The following USP2 variants were observed in gnomAD, a reference collection of about 807,000 sequenced individuals.
USP2 encodes the protein ubiquitin carboxyl-terminal hydrolase 2.
USP2 carries 33 observed loss-of-function variants against 72.0 expected under a neutral mutation model. The observed-to-expected ratio is 0.46, with a 90% CI of 0.35 to 0.61. The LOEUF is 0.61. Ranked by LOEUF, USP2 falls within the 20% of genes least tolerant of loss-of-function variation. The pLI is 0.01. For missense variants in USP2, 691 were observed against 797.8 expected (o/e 0.87, Z 1.61); for synonymous variants, 296 against 312.5 (o/e 0.95, Z 0.56).
Position 119,357,467 on chromosome 11 carries a change from A to C in USP2, c.1609+16T>G. On this transcript the variant is annotated intron_variant, in intron 11 of 12. Transcript: ENST00000260187. ...CCTGCGTCTTCATTCTGCCCTGCCT[A>C]CTCAAAGATACTCACTGGTGTTTTC... 6.2e-7 allele frequency: 1 copy of C among 1,613,274 alleles called. No individual in the cohort carries two copies. The highest frequency in any genetic ancestry group is 8.5e-7 in the Non-Finnish European group (1 of 1,179,912).
chr11:119,370,033 G>A (rs978609154), intron 2 of USP2, among the ~76,000 whole-genome samples: 1 of 152,152 alleles, frequency 6.6e-6, no homozygotes, highest in African/African-American at 2.4e-5. Context: ...AAATTAGCCT[G>A]GTGTGGTGGT....
chr11:119,358,737 C>T (rs780511800), intron 7 of USP2, 36 bp downstream of exon 7: 2 of 1,610,690 alleles, frequency 1.2e-6, no homozygotes, highest in African/African-American at 1.3e-5. Flanking sequence ...GAGCAGGCAA[C>T]AGTGAAAACA....
At chr11:119,360,528 A>AT (rs1950747490) in intron 2 of USP2, among the ~76,000 whole-genome samples, 1 of 150,776 alleles carries the variant, frequency 6.6e-6, no homozygotes, top group African/African-American at 2.4e-5. Context: ...GGTTCAAGCG[A>AT]TTTTCCTGCC....
intron 1 of USP2, chr11:119,376,078 C>T (rs373700996): frequency 4.5e-6 from 3 of 661,520 alleles, no homozygotes; most frequent in Non-Finnish European, 1.9e-6. Flanking sequence ...CTTCTAGCTA[C>T]AGTTCCCATG....
Position 119,356,911 on chromosome 11 carries a change from A to G in USP2, c.1742T>C (p.Met581Thr). 6.4e-7 allele frequency: 1 copy of G among 1,560,660 alleles called. No individual in the cohort carries two copies. The highest frequency in any genetic ancestry group is 8.7e-7 in the Non-Finnish European group (1 of 1,152,860). The change falls in exon 13 of 13, where the codon ATG (methionine) becomes ACG (threonine). Residue 581 changes from methionine (M) to threonine (T), a missense_variant. Transcript: ENST00000260187. ...GCTGGTGCGCACTTGGCTGGAGGACATGGGAGTGACGCTGCGGAGAGAGCG... is the reference window on the plus strand; with the variant it reads ...GCTGGTGCGCACTTGGCTGGAGGACGTGGGAGTGACGCTGCGGAGAGAGCG... ...HTFNDSSVTP[M>T]SSSQVRTSDA...
chr11:119,362,073 G>A (rs1031423297), intron 2 of USP2, among the ~76,000 whole-genome samples: 2 of 152,192 alleles, frequency 1.3e-5, no homozygotes, highest in African/African-American at 4.8e-5. Flanking sequence ...TTAGTTCTTA[G>A]CCCCTGTGCC....
Sources: allele counts gnomAD v4.1 joint callset (sites outside exome capture counted in the v4.1 genomes callset), GRCh38; gene constraint gnomAD v4.1.1; transcripts MANE v1.5; gene names NCBI Gene and HGNC (gene_info 2026-07-23, HGNC 2026-07-21).